The following ZNF219 variants were observed in gnomAD, a reference collection of about 807,000 sequenced individuals.
ZNF219 encodes zinc finger protein 219.
ZNF219 carries 17 observed loss-of-function variants against 54.4 expected under a neutral mutation model. The ratio of observed to expected loss-of-function variants is 0.31; its 90% CI spans 0.21 to 0.47. The LOEUF (loss-of-function observed/expected upper bound fraction) is 0.47, where lower values mean the gene tolerates loss of function less well. Ranked by LOEUF, ZNF219 falls within the 20% of genes least tolerant of loss-of-function variation. ZNF219 has a pLI of 1.00. For synonymous variants in ZNF219, 518 were observed against 476.4 expected, an observed-to-expected ratio of 1.09 and a Z score of -1.14; for missense variants, 1,014 against 1,062.3, an observed-to-expected ratio of 0.95 and a Z score of 0.63.
chr14:21,093,990 T>C (rs1945117445), intron 1 of ZNF219, among the ~76,000 whole-genome samples: 1 of 152,122 alleles, frequency 6.6e-6, no homozygotes, highest in Non-Finnish European at 1.5e-5. Context: ...CCCATGTAGG[T>C]TGGGCTATGC....
rs1328797460 is a variant in ZNF219 at position 21,092,890 on chromosome 14, C to T, written c.407G>A (p.Arg136Lys). The change falls in exon 3 of 5, where the codon AGA becomes AAA. Residue 136 changes from arginine to lysine, a missense_variant. By Grantham distance (26) the Arg-to-Lys change is conservative. Transcript: ENST00000360947. Reference sequence around the variant, plus strand: ...CTGCATGCCCCCTGAGCTTCGGGCTCTCCCCAGTCGGGCCTCGCGTAGTAG... The same window carrying T: ...CTGCATGCCCCCTGAGCTTCGGGCTTTCCCCAGTCGGGCCTCGCGTAGTAG... ...RALLREARLGRARSSGGMQAT... is the reference protein window; with the variant it reads ...RALLREARLGKARSSGGMQAT... The T allele has an allele frequency of 2.6e-6, 4 of 1,546,514 alleles. No individual in the cohort carries two copies. Among genetic ancestry groups the T allele is most frequent in the African/African-American group, 1.4e-5 (1 of 73,022 alleles).
chr14:21,093,196 G>A lies in ZNF219; in HGVS notation c.101C>T (p.Ala34Val), dbSNP rs1594599511. Residue 34 changes from alanine to valine, a missense_variant, in exon 3 of 5, where the codon GCC becomes GTC. Ala to Val is a moderately conservative substitution (Grantham distance 64, BLOSUM62 0). Coordinates refer to ENST00000360947, the MANE Select transcript of ZNF219 (RefSeq NM_016423.3). ...LDLQRYSNGP[A>V]VSAGSLGMGA... ...CATCCCGAGCGACCCTGCGCTCACG[G>A]CTGGCCCGTTGGAGTATCGCTGCAG... 1.2e-6 allele frequency: 2 copies of A among 1,607,822 alleles called. No homozygotes were observed. The highest frequency in any genetic ancestry group is 1.7e-6 in the Non-Finnish European group (2 of 1,179,384).
Position 21,104,255 on chromosome 14 carries a change from G to C in ZNF219, c.-84+256C>G, listed in dbSNP as rs562184542. ...TGCCGCCACCCTTTATCTCCAACGC[G>C]GGAGCGGGACTGCGCAGGCTTGGCC... On this transcript the variant is annotated intron_variant, in intron 1 of 4. Transcript: ENST00000451119. 3 of 152,376 alleles carry C rather than the reference G, an allele frequency of 2.0e-5. No homozygotes were observed. In the South Asian group the frequency reaches 6.2e-4, roughly 32 times the overall value. The allele number at this position is 152,376 out of a possible 1,614,324, so 9.4% of individuals were successfully genotyped here.
At chr14:21,101,587 G>T (rs1367693348), upstream of ZNF219, 1 of 820,510 alleles carries the variant, frequency 1.2e-6, no homozygotes, top group African/African-American at 1.7e-5. Context: ...TGGGAGGAGG[G>T]TAGAGGAAAA....
In ZNF219 at chr14:21,092,221, G is replaced by A; in HGVS notation, c.1076C>T (p.Pro359Leu). The stretch of plus-strand genomic sequence containing the variant: ...GGGAGCCGGGGCCAAGAGGAGCGCT[G>A]GGCCCAACGGCTCATAGGCCAGCAG... ...LGLLAYEPLGPALLLAPAPTP... is the reference protein window; with the variant it reads ...LGLLAYEPLGLALLLAPAPTP... The change falls in exon 3 of 5, where the codon CCA becomes CTA. Residue 359 changes from proline (P) to leucine (L), a missense_variant. Around this residue, in one of 5 missense-constraint regions of ZNF219, gnomAD observed 272 missense variants for 248.9 expected, o/e 1.09. Coordinates refer to ENST00000360947, the MANE Select transcript of ZNF219 (RefSeq NM_016423.3). 6.9e-7 allele frequency: 1 copy of A among 1,446,336 alleles called. No homozygotes were observed. The highest frequency in any genetic ancestry group is 9.0e-7 in the Non-Finnish European group (1 of 1,105,422). 89.6% of individuals were successfully genotyped at this position (1,446,336 alleles called of 1,614,324 possible). A position where few individuals can be genotyped will look rare whatever the true frequency, so the allele number is the denominator to read the frequency against.
chr14:21,090,297 C>T lies in ZNF219; in HGVS notation c.*239G>A, dbSNP rs747440339. ...AGGGACACAAACCTTCTCTGCCAGC[C>T]CAGGGACCCCGTTCTTTGACCCTCA... On this transcript the variant is annotated 3_prime_UTR_variant, in exon 5 of 5. Coordinates refer to ENST00000360947, the MANE Select transcript of ZNF219 (RefSeq NM_016423.3). The surrounding 1 kb of genome is among the most constrained non-coding windows in gnomAD (Gnocchi z 4.4). 18 of 703,456 alleles carry T rather than the reference C, an allele frequency of 2.6e-5. No individual in the cohort carries two copies. In the South Asian group the frequency reaches 2.7e-4, roughly 11 times the overall value. The allele number at this position is 703,456 out of a possible 1,614,324, so 43.6% of individuals were successfully genotyped here. A position where few individuals can be genotyped will look rare whatever the true frequency, so the allele number is the denominator to read the frequency against.
Position 21,091,668 on chromosome 14 carries a change from G to A in ZNF219, c.1433-126C>T, listed in dbSNP as rs1244636218. On this transcript the variant is annotated intron_variant, in intron 3 of 4. Coordinates refer to ENST00000360947, the MANE Select transcript of ZNF219 (RefSeq NM_016423.3). The stretch of plus-strand genomic sequence containing the variant: ...GTCCAGGAGGAAACAAAGTCTGAGG[G>A]GTTAGATTTGTTGTGACTAAAGAGT... 14 of 1,474,730 alleles carry A rather than the reference G, an allele frequency of 9.5e-6. No individual in the cohort carries two copies. The South Asian group carries it at 1.7e-4, about 18-fold the overall frequency. 91.4% of individuals were successfully genotyped at this position (1,474,730 alleles called of 1,614,324 possible).
Position 21,091,022 on chromosome 14 carries a change from G to T in ZNF219, c.1683C>A (p.Pro561=), listed in dbSNP as rs886581738. ...EQRSGAGPGP[P]PEPPPPSQRG... ...GCTGGGAAGGAGGCGGTGGCTCCGG[G>T]GGTGGCCCGGGGCCGGCCCCGCTCC... The change falls in exon 5 of 5, where the codon CCC becomes CCA. Residue 561 remains proline (P), a synonymous_variant. Coordinates refer to ENST00000360947, the MANE Select transcript of ZNF219 (RefSeq NM_016423.3). 7.7e-6 allele frequency: 12 copies of T among 1,553,046 alleles called. No homozygotes were observed. The highest frequency in any genetic ancestry group is 1.0e-5 in the Non-Finnish European group (12 of 1,155,940).
chr14:21,094,665 G>C (rs918351001), intron 1 of ZNF219: 2 of 192,616 alleles, frequency 1.0e-5, no homozygotes, highest in African/African-American at 4.8e-5. Context: ...CCTAGGCCTG[G>C]GACTTGCAGA....
chr14:21,098,808 T>C, upstream of ZNF219: 1 of 1,287,718 alleles, frequency 7.8e-7, no homozygotes, highest in Non-Finnish European at 1.0e-6. Flanking sequence ...AACCCGGACA[T>C]ACCAGGGAAG....
At position 21,094,736 on chromosome 14, in the gene ZNF219, G is replaced by GGA. The variant is rs1270376691; in HGVS notation, c.-83-1063_-83-1062insTC. Among the ~76,000 whole-genome samples, 2 of 79,636 alleles carry GGA rather than the reference G, an allele frequency of 2.5e-5. 1 individual carries two copies. Among genetic ancestry groups the GGA allele is most frequent in the Non-Finnish European group, 5.5e-5 (2 of 36,640 alleles). 52.2% of individuals were successfully genotyped at this position (79,636 alleles called of 152,430 possible). On this transcript the variant is annotated intron_variant, in intron 1 of 4. Coordinates refer to ENST00000360947, the MANE Select transcript of ZNF219 (RefSeq NM_016423.3). ...GAAGAGGATAGGGGTTGGGGGGGGG[G>GGA]GCGGGTGCTGATCCTAAGCTGCAGA...
chr14:21,093,310 T>G lies in ZNF219; in HGVS notation c.7-20A>C. 1 of 1,556,648 alleles carries G rather than the reference T, an allele frequency of 6.4e-7. No individual in the cohort carries two copies. Among genetic ancestry groups the G allele is most frequent in the Non-Finnish European group, 8.6e-7 (1 of 1,159,938 alleles). On this transcript the variant is annotated intron_variant, in intron 2 of 4. Coordinates refer to ENST00000360947, the MANE Select transcript of ZNF219 (RefSeq NM_016423.3). ...TGAGCCCTGTGGAGAAAGATCTGCG[T>G]AGAGCAAAGGGTGAAGGTAGAGCTG...
chr14:21,098,080 G>GC (rs1889384637), intron 1 of ZNF219, among the ~76,000 whole-genome samples: 1 of 149,166 alleles, frequency 6.7e-6, no homozygotes, highest in African/African-American at 2.5e-5. Flanking sequence ...CTCCCTTGGG[G>GC]CCCCCCAGCT....
At position 21,092,463 on chromosome 14, in the gene ZNF219, C is replaced by T. The variant is rs1297188647; in HGVS notation, c.834G>A (p.Val278=). The change falls in exon 3 of 5, where the codon GTG becomes GTA. Residue 278 remains valine (V), a synonymous_variant. Transcript: ENST00000360947. ...AAGACTGTGTAAAGCTCTGGCCGCA[C>T]ACTTGGCAGCGGAACTCCGGAGGCG... The part of the protein sequence containing the change: ...PPAPPEFRCQ[V]CGQSFTQSWF... 4 of 1,557,086 alleles carry T rather than the reference C, an allele frequency of 2.6e-6. No individual in the cohort carries two copies. In the African/African-American group the frequency reaches 4.1e-5, roughly 16 times the overall value.
rs767856359 is a variant in ZNF219 at position 21,090,606 on chromosome 14, G to C, written c.2099C>G (p.Ser700Trp). ...CCCGGAGCCCTCCTCCCCTTCCTGC[G>C]AAGGACTGGGAGGGGTCTCTCCTGA... The part of the protein sequence containing the change: ...VPSGETPPSP[S>W]QEGEEGSGLS... The change falls in exon 5 of 5, where the codon TCG (serine) becomes TGG (tryptophan). Residue 700 changes from serine (S) to tryptophan (W), a missense_variant. Ser to Trp is a radical substitution (Grantham distance 177). Coordinates refer to ENST00000360947, the MANE Select transcript of ZNF219 (RefSeq NM_016423.3). This position sits in a 1 kb window ranked among gnomAD's most constrained non-coding sequence, Gnocchi z 4.4. 8.1e-6 allele frequency: 13 copies of C among 1,610,804 alleles called. No homozygotes were observed. Among genetic ancestry groups the C allele is most frequent in the Non-Finnish European group, 1.0e-5 (12 of 1,178,476 alleles).
In ZNF219 at chr14:21,091,935, C is replaced by T. The variant is rs558471585; in HGVS notation, c.1362G>A (p.Pro454=). Residue 454 remains proline, a synonymous_variant, in exon 3 of 5, where the codon CCG becomes CCA. Coordinates refer to ENST00000360947, the MANE Select transcript of ZNF219 (RefSeq NM_016423.3). ...AGTGCCCCGGTCCCTCACCCGGGCG[C>T]GGGTGCAGGGAAGCCAGAGAGCCCA... ...RSLGSLASLH[P]RPGEGPGHSA... 21 of 1,604,120 alleles carry T rather than the reference C, an allele frequency of 1.3e-5. No individual in the cohort carries two copies. In the African/African-American group the frequency reaches 2.0e-4, roughly 15 times the overall value.
At position 21,092,817 on chromosome 14, in the gene ZNF219, C is replaced by T. The variant is rs1395612334; in HGVS notation, c.480G>A (p.Ser160=). 1.3e-6 allele frequency: 2 copies of T among 1,576,326 alleles called. No individual in the cohort carries two copies. Among genetic ancestry groups the T allele is most frequent in the East Asian group, 2.2e-5 (1 of 44,556 alleles). ...TGCAGTAGGGGCAACGGAAGGCGGA[C>T]GATGAAGGAGCCTGGGGCCGCGCCA... The part of the protein sequence containing the change: ...EGLARPQAPS[S]SAFRCPYCKG... The change falls in exon 3 of 5, where the codon TCG becomes TCA. Residue 160 remains serine (S), a synonymous_variant. Transcript: ENST00000360947.
rs374900272 is a variant in ZNF219, at chr14:21,092,667, C to T, written c.630G>A (p.Thr210=). 1.3e-6 allele frequency: 2 copies of T among 1,572,070 alleles called. No individual in the cohort carries two copies. Among genetic ancestry groups the T allele is most frequent in the African/African-American group, 1.3e-5 (1 of 74,476 alleles). Residue 210 remains threonine, a synonymous_variant, in exon 3 of 5, where the codon ACG becomes ACA. Transcript: ENST00000360947. The part of the protein sequence containing the change: ...QEEELLHHSL[T]AHGAPERPLA... ...GGGGACGCTCGGGAGCCCCGTGGGC[C>T]GTCAGGCTGTGGTGCAGCAGCTCCT...
intron 1 of ZNF219, chr14:21,093,895 T>C (rs992378924): frequency 1.6e-5 from 8 of 514,822 alleles, no homozygotes; most frequent in Non-Finnish European, 2.8e-5. Context: ...CCCCAAATTC[T>C]ATATTTTAAA....
Sources: gnomAD v4.1 joint callset for allele counts (sites outside exome capture counted in the v4.1 genomes callset) on GRCh38, gnomAD v4.1.1 for gene constraint, gnomAD v4.1.1 regional missense constraint, Gnocchi (gnomAD v3.1) non-coding constraint, MANE v1.5 for transcripts, NCBI Gene and HGNC (gene_info 2026-07-23, HGNC 2026-07-21) for gene names.